Variants in EDIL3 observed in about 807,000 individuals in gnomAD.
The protein encoded by EDIL3 is EGF like and discoidin domains 3.
In EDIL3, 37 loss-of-function variants were observed where a neutral mutation model predicts 67.4. The ratio of observed to expected loss-of-function variants is 0.55; its 90% CI spans 0.42 to 0.72. The LOEUF is 0.72. Ranked by LOEUF, EDIL3 falls within the 30% of genes least tolerant of loss-of-function variation. EDIL3 has a pLI of 0.00. For synonymous variants in EDIL3, 195 were observed against 196.3 expected (o/e 0.99, Z 0.05); for missense variants, 527 against 586.3 (o/e 0.90, Z 1.04).
At chr5:84,223,226 A>G (rs1402224067) in intron 3 of EDIL3, among the ~76,000 whole-genome samples, 1 of 151,748 alleles carries the variant, frequency 6.6e-6, no homozygotes, top group Non-Finnish European at 1.5e-5. Context: ...TATGGAAAAT[A>G]GTATGGAAGT....
intron 1 of EDIL3, among the ~76,000 whole-genome samples, chr5:84,314,274 TG>T (rs1381408535): frequency 6.6e-6 from 1 of 152,156 alleles, no homozygotes; most frequent in African/African-American, 2.4e-5. Flanking sequence ...TACTATGACT[TG>T]GCTCAGATCA....
chr5:83,943,454 G>T lies in EDIL3; in HGVS notation c.1408C>A (p.Arg470=). Residue 470 remains arginine, a synonymous_variant, in exon 11 of 11, where the codon CGG becomes AGG. Transcript: ENST00000296591. ...PWSWYGRITL[R]SELLGCTEEE Reference sequence around the variant, plus strand: ...TCTGTGCAGCCCAGCAGCTCTGACCGCAATGTGATCCTCCCGTACCAGGAC... The same window carrying T: ...TCTGTGCAGCCCAGCAGCTCTGACCTCAATGTGATCCTCCCGTACCAGGAC... 1 of 1,612,610 alleles carries T rather than the reference G, an allele frequency of 6.2e-7. No individual in the cohort carries two copies. Among genetic ancestry groups the T allele is most frequent in the Non-Finnish European group, 8.5e-7 (1 of 1,179,156 alleles).
intron 1 of EDIL3, among the ~76,000 whole-genome samples, chr5:84,288,252 A>T (rs1160468128): frequency 6.6e-6 from 1 of 152,048 alleles, no homozygotes; most frequent in African/African-American, 2.4e-5. Context: ...TTACCTTTAA[A>T]ATACATCCAG....
chr5:84,070,590 G>A (rs192300600), intron 6 of EDIL3, among the ~76,000 whole-genome samples: 49 of 148,886 alleles, frequency 3.3e-4, no homozygotes, highest in Middle Eastern at 6.8e-3. Context: ...AGACATTTAG[G>A]GCTACTATGG....
intron 1 of EDIL3, among the ~76,000 whole-genome samples, chr5:84,352,610 T>C (rs1340373284): frequency 6.6e-6 from 1 of 151,782 alleles, no homozygotes; most frequent in African/African-American, 2.4e-5. Context: ...ACATACAGAG[T>C]AGAATAATAG....
At chr5:84,184,464 T>C (rs1481244511) in intron 3 of EDIL3, among the ~76,000 whole-genome samples, 2 of 152,206 alleles carry the variant, frequency 1.3e-5, no homozygotes, top group East Asian at 3.8e-4. Context: ...GAAATTGTGA[T>C]GTCCAAAATT....
intron 1 of EDIL3, among the ~76,000 whole-genome samples, chr5:84,298,178 C>T (rs911631580): frequency 3.9e-5 from 6 of 152,116 alleles, no homozygotes; most frequent in Non-Finnish European, 8.8e-5. Context: ...GATACATGCA[C>T]GCGTGTATTC....
intron 3 of EDIL3, among the ~76,000 whole-genome samples, chr5:84,202,653 T>G (rs1743868505): frequency 6.6e-6 from 1 of 152,108 alleles, no homozygotes; most frequent in Non-Finnish European, 1.5e-5. Flanking sequence ...GAGGGAATAT[T>G]TGAGAGCAGA....
intron 1 of EDIL3, among the ~76,000 whole-genome samples, chr5:84,307,168 G>A (rs564650390): frequency 6.6e-6 from 1 of 152,300 alleles, no homozygotes; most frequent in East Asian, 1.9e-4. Context: ...TCCAAAGTGA[G>A]TGATAGGAGA....
rs577043881 is a variant in EDIL3 at position 84,254,214 on chromosome 5, T to C, written c.68-2A>G. On this transcript the variant is annotated splice_acceptor_variant, in intron 1 of 10. Coordinates refer to ENST00000296591, the MANE Select transcript of EDIL3 (RefSeq NM_005711.5). LOFTEE classifies it high-confidence loss of function. ...ATGGATTGGGATCACAAATATCACCTAAGGCATAAAAAAAAACCGAAATTG... is the reference window on the plus strand; with the variant it reads ...ATGGATTGGGATCACAAATATCACCCAAGGCATAAAAAAAAACCGAAATTG... 22 of 1,596,982 alleles carry C rather than the reference T, an allele frequency of 1.4e-5. No homozygotes were observed. In the East Asian group the frequency reaches 4.9e-4, roughly 36 times the overall value.
chr5:84,262,700 CTCACTCTG>C (rs942918259), intron 1 of EDIL3, among the ~76,000 whole-genome samples: 6 of 41,242 alleles, frequency 1.5e-4, no homozygotes, highest in Non-Finnish European at 2.7e-4. Flanking sequence ...GAGATGAAGT[CTCACTCTG>C]TCACCCAAGC....
intron 3 of EDIL3, among the ~76,000 whole-genome samples, chr5:84,216,187 C>T (rs1343293403): frequency 6.6e-6 from 1 of 152,144 alleles, no homozygotes; most frequent in Admixed American, 6.5e-5. Flanking sequence ...GACAGGAAGC[C>T]TGTAAGAGGA....
intron 1 of EDIL3, among the ~76,000 whole-genome samples, chr5:84,271,416 CAAATAAATAAATAAAT>C (rs70975550): frequency 2.5e-4 from 35 of 140,942 alleles, no homozygotes; most frequent in East Asian, 6.3e-4. Flanking sequence ...TCTGTCTCTA[CAAATAAATAAATAAAT>C]AAATAAATAA....
intron 9 of EDIL3, among the ~76,000 whole-genome samples, chr5:84,037,848 A>T (rs1315507973): frequency 1.3e-5 from 2 of 151,998 alleles, no homozygotes; most frequent in Admixed American, 1.3e-4. Context: ...ACCATGAATT[A>T]AAAAAAATTA....
chr5:84,291,670 ATC>A (rs918878133), intron 1 of EDIL3, among the ~76,000 whole-genome samples: 4 of 108,328 alleles, frequency 3.7e-5, no homozygotes, highest in South Asian at 2.9e-4. Flanking sequence ...CTATATATAT[ATC>A]TATCTATATA....
At position 83,943,450 on chromosome 5, in the gene EDIL3, G is replaced by C. The variant is rs1372576990; in HGVS notation, c.1412C>G (p.Ser471Ter). 2 of 1,612,526 alleles carry C rather than the reference G, an allele frequency of 1.2e-6. No homozygotes were observed. The highest frequency in any genetic ancestry group is 1.7e-6 in the Non-Finnish European group (2 of 1,179,182). Residue 471 changes from serine to a stop codon, truncating the protein, a stop_gained, in exon 11 of 11, where the codon TCA (serine) becomes TGA (stop). Transcript: ENST00000296591. LOFTEE classifies it high-confidence loss of function. The stretch of plus-strand genomic sequence containing the variant: ...CTCCTCTGTGCAGCCCAGCAGCTCT[G>C]ACCGCAATGTGATCCTCCCGTACCA... ...WSWYGRITLR[S>*]ELLGCTEEE
At chr5:84,333,160 A>G (rs1746910414) in intron 1 of EDIL3, among the ~76,000 whole-genome samples, 1 of 152,172 alleles carries the variant, frequency 6.6e-6, no homozygotes, top group African/African-American at 2.4e-5. Flanking sequence ...TACTGTTTCT[A>G]TAGAGACATT....
At chr5:83,972,093 T>C (rs1271681879) in intron 9 of EDIL3, among the ~76,000 whole-genome samples, 1 of 152,156 alleles carries the variant, frequency 6.6e-6, no homozygotes, top group Non-Finnish European at 1.5e-5. Context: ...TTATTTGGCA[T>C]GTGCCTGGCC....
chr5:84,365,147 T>C (rs1332012356), intron 1 of EDIL3, among the ~76,000 whole-genome samples: 2 of 152,090 alleles, frequency 1.3e-5, no homozygotes, highest in East Asian at 1.9e-4. Context: ...TTTTGAGGTA[T>C]ATATGATATT....
Sources: gnomAD v4.1 joint callset for allele counts (sites outside exome capture counted in the v4.1 genomes callset) on GRCh38, gnomAD v4.1.1 for gene constraint, MANE v1.5 for transcripts, NCBI Gene and HGNC (gene_info 2026-07-23, HGNC 2026-07-21) for gene names.